The following ATP10A variants were observed in gnomAD, a reference collection of about 807,000 sequenced individuals.
ATP10A encodes the protein phospholipid-transporting ATPase VA.
In ATP10A, 111 loss-of-function variants were observed where a neutral mutation model predicts 147.8. That is an observed-to-expected ratio of 0.75 (90% CI 0.64 to 0.88). The LOEUF is 0.88. Ranked by LOEUF, ATP10A falls within the 40% of genes least tolerant of loss-of-function variation. The pLI is 0.00. For synonymous variants in ATP10A, 875 were observed against 841.6 expected (o/e 1.04, Z -0.69); for missense variants, 1,927 against 1,959.0 (o/e 0.98, Z 0.31).
intron 2 of ATP10A, among the ~76,000 whole-genome samples, chr15:25,757,059 A>T (rs1232981062): frequency 6.6e-6 from 1 of 152,250 alleles, no homozygotes; most frequent in Non-Finnish European, 1.5e-5. Context: ...TTGGTAACTT[A>T]AAACCTTCAA....
downstream of ATP10A, among the ~76,000 whole-genome samples, chr15:25,676,170 AGAGATGC>A (rs1385911049): frequency 6.6e-6 from 1 of 152,192 alleles, no homozygotes; most frequent in Non-Finnish European, 1.5e-5. Context: ...CATTTTCAGT[AGAGATGC>A]GAGGAAAGCA....
chr15:25,819,443 A>G (rs4906783), intron 1 of ATP10A, among the ~76,000 whole-genome samples: 147,213 of 152,248 alleles, frequency 0.97, 71,408 homozygotes, highest in East Asian at 1. Flanking sequence ...GTGAGACTGC[A>G]GAGAAAAGGG....
At chr15:25,836,161 C>T (rs1357784182) in intron 1 of ATP10A, among the ~76,000 whole-genome samples, 2 of 152,170 alleles carry the variant, frequency 1.3e-5, no homozygotes, top group Non-Finnish European at 2.9e-5. Flanking sequence ...GTTGGCCAGG[C>T]TGATCTTGAA....
intron 1 of ATP10A, among the ~76,000 whole-genome samples, chr15:25,844,671 C>T (rs1212380585): frequency 6.6e-6 from 1 of 152,170 alleles, no homozygotes; most frequent in Non-Finnish European, 1.5e-5. Context: ...AGGGCTCCTG[C>T]CCCTCCTGGC....
In ATP10A at chr15:25,703,502, T is replaced by C. The variant is rs186258576; in HGVS notation, c.2576-1402A>G. 2.6e-5 allele frequency among the ~76,000 whole-genome samples: 4 copies of C among 152,340 alleles called. No homozygotes were observed. In the East Asian group the frequency reaches 7.7e-4, roughly 29 times the overall value. On this transcript the variant is annotated intron_variant, in intron 12 of 20. Transcript: ENST00000555815. ...CTGTTAGAGCCTTGATCTTGGACTTTTAGCCTTCAAAACTCTAAGAAGTAA... is the reference window on the plus strand; with the variant it reads ...CTGTTAGAGCCTTGATCTTGGACTTCTAGCCTTCAAAACTCTAAGAAGTAA...
intron 1 of ATP10A, among the ~76,000 whole-genome samples, chr15:25,818,033 T>C (rs746676802): frequency 1.9e-4 from 29 of 152,158 alleles, no homozygotes; most frequent in Non-Finnish European, 3.8e-4. Context: ...TTGCTGTCAC[T>C]ATACAATCCC....
chr15:25,777,116 T>C lies in ATP10A; in HGVS notation c.654+3903A>G, dbSNP rs564502978. On this transcript the variant is annotated intron_variant, in intron 2 of 20. Transcript: ENST00000555815. ...ACGTGCGTGTGTGTGTGTGTGTGTG[T>C]GTACCCGTTCCGCACTGCCCACTCC... is the stretch of plus-strand genomic sequence containing the variant. Among the ~76,000 whole-genome samples, 3 of 151,952 alleles carry C rather than the reference T, an allele frequency of 2.0e-5. 1 individual carries two copies. Among genetic ancestry groups the C allele is most frequent in the South Asian group, 4.2e-4 (2 of 4,788 alleles).
intron 2 of ATP10A, among the ~76,000 whole-genome samples, chr15:25,760,344 A>G (rs1255178351): frequency 6.6e-6 from 1 of 152,214 alleles, no homozygotes; most frequent in Non-Finnish European, 1.5e-5. Flanking sequence ...AAAATTGTAT[A>G]AAGTTCCTAG....
chr15:25,726,691 T>A (rs1902577224), intron 4 of ATP10A, among the ~76,000 whole-genome samples: 1 of 151,600 alleles, frequency 6.6e-6, no homozygotes, highest in Admixed American at 6.6e-5. Context: ...GATCTGCCCG[T>A]CTCAGCCTCC....
intron 1 of ATP10A, among the ~76,000 whole-genome samples, chr15:25,828,178 A>G (rs1892199350): frequency 6.6e-6 from 1 of 152,240 alleles, no homozygotes; most frequent in South Asian, 2.1e-4. Flanking sequence ...GAACTGAAGG[A>G]TGAAATAGAC....
chr15:25,759,667 G>C (rs1230983733), intron 2 of ATP10A, among the ~76,000 whole-genome samples: 1 of 151,936 alleles, frequency 6.6e-6, no homozygotes, highest in Non-Finnish European at 1.5e-5. Flanking sequence ...AAAATTAGTC[G>C]AGCATGGTGG....
At chr15:25,770,821 T>C (rs1889293878) in intron 2 of ATP10A, among the ~76,000 whole-genome samples, 1 of 152,130 alleles carries the variant, frequency 6.6e-6, no homozygotes, top group Admixed American at 6.5e-5. Flanking sequence ...TGACTCTGCA[T>C]GGCAGATGTG....
chr15:25,806,398 T>C (rs989184807), intron 1 of ATP10A, among the ~76,000 whole-genome samples: 1 of 152,116 alleles, frequency 6.6e-6, no homozygotes, highest in African/African-American at 2.4e-5. Flanking sequence ...CTGCAAGCTC[T>C]GCCTCCCAGG....
intron 2 of ATP10A, among the ~76,000 whole-genome samples, chr15:25,754,833 A>G (rs942659577): frequency 7.9e-5 from 12 of 152,220 alleles, no homozygotes; most frequent in Admixed American, 2.0e-4. Flanking sequence ...CCAGATGAAC[A>G]AAACTGTTTA....
chr15:25,802,337 C>G (rs1473236706), intron 1 of ATP10A, among the ~76,000 whole-genome samples: 2 of 152,168 alleles, frequency 1.3e-5, no homozygotes, highest in Non-Finnish European at 2.9e-5. Context: ...CCACTGCAGG[C>G]TTTTTGTTGA....
intron 2 of ATP10A, among the ~76,000 whole-genome samples, chr15:25,749,491 T>C (rs2140543922): frequency 6.6e-6 from 1 of 152,284 alleles, no homozygotes; most frequent in East Asian, 1.9e-4. Flanking sequence ...TAACTCTAGA[T>C]GAGCACTTCT....
chr15:25,820,882 A>AAG (rs1473613287), intron 1 of ATP10A, among the ~76,000 whole-genome samples: 2 of 152,238 alleles, frequency 1.3e-5, no homozygotes, highest in Non-Finnish European at 2.9e-5. Context: ...TTTTAAGTTA[A>AAG]AAAGTACTTA....
chr15:25,834,006 C>T (rs1434063711), intron 1 of ATP10A, among the ~76,000 whole-genome samples: 1 of 151,856 alleles, frequency 6.6e-6, no homozygotes, highest in Admixed American at 6.6e-5. Flanking sequence ...AAACAAACTA[C>T]TCTCTCAGCA....
At chr15:25,724,918 G>A (rs528059308) in intron 5 of ATP10A, among the ~76,000 whole-genome samples, 1 of 152,338 alleles carries the variant, frequency 6.6e-6, no homozygotes, top group South Asian at 2.1e-4. Flanking sequence ...AAACAACACA[G>A]TATAACCATT....
Sources: allele counts gnomAD v4.1 joint callset (sites outside exome capture counted in the v4.1 genomes callset), GRCh38; gene constraint gnomAD v4.1.1; transcripts MANE v1.5; gene names NCBI Gene and HGNC (gene_info 2026-07-23, HGNC 2026-07-21).